PFKFB2: variants seen among roughly 807,000 people sequenced by gnomAD.
The protein encoded by PFKFB2 is 6-phosphofructo-2-kinase/fructose-2,6-biphosphatase 2, also known as 6-phosphofructo-2-kinase/fructose-2,6-bisphosphatase 2.
Under a neutral mutation model 68.0 loss-of-function variants are expected in PFKFB2, and 53 were observed. The observed-to-expected ratio is 0.78, with a 90% CI of 0.63 to 0.98. The LOEUF is 0.98. Ranked by LOEUF, PFKFB2 falls within the 50% of genes least tolerant of loss-of-function variation. The pLI is 0.00. For missense variants in PFKFB2, 451 were observed against 642.0 expected, an observed-to-expected ratio of 0.70 and a Z score of 3.22; for synonymous variants, 222 against 227.6, an observed-to-expected ratio of 0.98 and a Z score of 0.22.
At chr1:207,049,427 T>C (rs1682679305), upstream of PFKFB2, 4 of 1,614,108 alleles carry the variant, frequency 2.5e-6, no homozygotes, top group Non-Finnish European at 3.4e-6. Flanking sequence ...TCATCCCTTT[T>C]GATCCAGTCA....
Position 207,063,980 on chromosome 1 carries a change from T to C in PFKFB2, c.507+151T>C, listed in dbSNP as rs1399513567. 5 of 696,610 alleles carry C rather than the reference T, an allele frequency of 7.2e-6. No individual in the cohort carries two copies. In the African/African-American group the frequency reaches 8.7e-5, roughly 12 times the overall value. 43.2% of individuals were successfully genotyped at this position (696,610 alleles called of 1,614,324 possible). ...AGACATGTTTAACATCACAAAGAGATCTTTTCTATCTGCCAGAGCCCCATC... is the reference window on the plus strand; with the variant it reads ...AGACATGTTTAACATCACAAAGAGACCTTTTCTATCTGCCAGAGCCCCATC... On this transcript the variant is annotated intron_variant, in intron 7 of 14. Transcript: ENST00000367080. This position sits in a 1 kb window ranked among gnomAD's most constrained non-coding sequence, Gnocchi z 4.1.
At position 207,072,554 on chromosome 1, in the gene PFKFB2, G is replaced by C. The variant is rs1346235661; in HGVS notation, c.*183G>C. On this transcript the variant is annotated 3_prime_UTR_variant, in exon 15 of 15. Transcript: ENST00000367080. ...ATGTGTTTATAGGACAACTTAAGCT[G>C]TTCTTCAGTTTGAAACATCTTTTCA... 1.4e-5 allele frequency: 19 copies of C among 1,347,038 alleles called. 1 individual carries two copies. The South Asian group carries it at 3.8e-4, about 27-fold the overall frequency. 83.4% of individuals were successfully genotyped at this position (1,347,038 alleles called of 1,614,324 possible).
chr1:207,071,668 A>G (rs765716539), intron 14 of PFKFB2, 95 bp downstream of exon 14: 1 of 848,996 alleles, frequency 1.2e-6, no homozygotes, highest in Non-Finnish European at 2.0e-6. Context: ...TTTATGTACA[A>G]AAGGGAAACA....
At chr1:207,055,026 T>C in intron 2 of PFKFB2, 1 of 473,782 alleles carries the variant, frequency 2.1e-6, no homozygotes, top group South Asian at 2.3e-5. Flanking sequence ...AGTTTCTTAC[T>C]GCTTTCTTAA....
intron 14 of PFKFB2, among the ~76,000 whole-genome samples, 181 bp from the exon 15 acceptor site, chr1:207,072,023 T>C (rs1683479404): frequency 6.6e-6 from 1 of 152,208 alleles, no homozygotes; most frequent in Non-Finnish European, 1.5e-5. Context: ...CTCAAGGAGC[T>C]TCTCCCTTTT....
Position 207,073,703 on chromosome 1 carries a change from A to C in PFKFB2, c.*1332A>C, listed in dbSNP as rs1018740535. ...CGTAACTGTTTGTATTTCTCTATTC[A>C]CTTCTGTCATTTCATTTTCTTTGTA... On this transcript the variant is annotated 3_prime_UTR_variant, in exon 15 of 15. Coordinates refer to ENST00000367080, the MANE Select transcript of PFKFB2 (RefSeq NM_006212.2). 3 of 985,072 alleles carry C rather than the reference A, an allele frequency of 3.0e-6. No individual in the cohort carries two copies. In the African/African-American group the frequency reaches 5.2e-5, roughly 17 times the overall value. The allele number at this position is 985,072 out of a possible 1,614,324, so 61.0% of individuals were successfully genotyped here. A position where few individuals can be genotyped will look rare whatever the true frequency, so the allele number is the denominator to read the frequency against.
At chr1:207,034,835 G>A (rs1682347389) in intron 1 of PFKFB2, 1 of 152,192 alleles carries the variant, frequency 6.6e-6, no homozygotes, top group Non-Finnish European at 1.5e-5. Flanking sequence ...ACACATATAT[G>A]TCCTAGCTGA....
At chr1:207,062,466 C>T in intron 3 of PFKFB2, 154 bp from the exon 4 acceptor site, 2 of 1,215,300 alleles carry the variant, frequency 1.6e-6, no homozygotes, top group Non-Finnish European at 2.3e-6. Flanking sequence ...TTGAACCCAA[C>T]TCTTTTGACT....
chr1:207,037,920 A>G (rs1481413700), intron 1 of PFKFB2, among the ~76,000 whole-genome samples: 1 of 152,240 alleles, frequency 6.6e-6, no homozygotes, highest in Non-Finnish European at 1.5e-5. Context: ...ATGAGATAAT[A>G]CATGAAGAGT....
At chr1:207,051,279 G>A (rs1434281941), upstream of PFKFB2, among the ~76,000 whole-genome samples, 1 of 152,186 alleles carries the variant, frequency 6.6e-6, no homozygotes, top group Admixed American at 6.5e-5. Context: ...CTGAATGAAG[G>A]TCTGGAGATT....
intron 14 of PFKFB2, 26 bp from the exon 15 acceptor site, chr1:207,072,178 T>A: frequency 6.2e-7 from 1 of 1,609,766 alleles, no homozygotes; most frequent in Non-Finnish European, 8.5e-7. Flanking sequence ...CTTTCATTTG[T>A]GTGGTGTCAC....
intron 1 of PFKFB2, among the ~76,000 whole-genome samples, chr1:207,039,150 A>C (rs889887990): frequency 2.0e-5 from 3 of 152,222 alleles, no homozygotes; most frequent in Non-Finnish European, 4.4e-5. Context: ...CTTTGGCAGT[A>C]TGTCAACATA....
intron 2 of PFKFB2, 74 bp from the exon 3 acceptor site, chr1:207,061,879 T>C: frequency 2.2e-6 from 3 of 1,341,688 alleles, no homozygotes; most frequent in South Asian, 2.4e-5. Context: ...AGACTCCGTC[T>C]CAAAAAAACA....
chr1:207,059,178 G>C (rs949336451), intron 2 of PFKFB2, among the ~76,000 whole-genome samples: 3 of 152,194 alleles, frequency 2.0e-5, no homozygotes, highest in African/African-American at 4.8e-5. Context: ...TTTTGTTGTT[G>C]TTGTTCTTAG....
At chr1:207,057,946 C>A (rs1682979715) in intron 2 of PFKFB2, among the ~76,000 whole-genome samples, 1 of 152,112 alleles carries the variant, frequency 6.6e-6, no homozygotes, top group African/African-American at 2.4e-5. Context: ...ACACGTACAC[C>A]TTTGCACATT....
At position 207,076,250 on chromosome 1, in the gene PFKFB2, TTC is replaced by T; in HGVS notation, c.*3881_*3882del. The T allele has an allele frequency of 7.2e-6, 7 of 972,908 alleles. No individual in the cohort carries two copies. Among genetic ancestry groups the T allele is most frequent in the Non-Finnish European group, 8.5e-6 (7 of 818,974 alleles). 60.3% of individuals were successfully genotyped at this position (972,908 alleles called of 1,614,324 possible). On this transcript the variant is annotated 3_prime_UTR_variant, in exon 15 of 15. Coordinates refer to ENST00000367080, the MANE Select transcript of PFKFB2 (RefSeq NM_006212.2). The stretch of plus-strand genomic sequence containing the variant: ...TAAATTCATCTATGTTACTTTTTTT[TTC>T]TTTTTTTTTTTTTTTTATGAGCAGG...
intron 3 of PFKFB2, 150 bp downstream of exon 3, chr1:207,062,228 T>C: frequency 8.9e-7 from 1 of 1,123,208 alleles, no homozygotes; most frequent in Non-Finnish European, 1.3e-6. Context: ...TATTCTCTAT[T>C]CCCAGACTTG....
upstream of PFKFB2, chr1:207,050,542 T>C: frequency 9.6e-7 from 1 of 1,044,042 alleles, no homozygotes. Flanking sequence ...CCGTCAGCAT[T>C]CTCTGTTCTT....
In PFKFB2 at chr1:207,073,983, G is replaced by A; in HGVS notation, c.*1612G>A. The stretch of plus-strand genomic sequence containing the variant: ...AGGGTGTTTTCATTTGGTAATGGAA[G>A]ACTTTTTGCTGTGGTTCTCATCCAG... On this transcript the variant is annotated 3_prime_UTR_variant, in exon 15 of 15. Coordinates refer to ENST00000367080, the MANE Select transcript of PFKFB2 (RefSeq NM_006212.2). 1.0e-6 allele frequency: 1 copy of A among 984,908 alleles called. No individual in the cohort carries two copies. The highest frequency in any genetic ancestry group is 1.2e-6 in the Non-Finnish European group (1 of 829,468). The allele number at this position is 984,908 out of a possible 1,614,324, so 61.0% of individuals were successfully genotyped here.
Sources: allele counts gnomAD v4.1 joint callset (sites outside exome capture counted in the v4.1 genomes callset), GRCh38; gene constraint gnomAD v4.1.1; non-coding constraint Gnocchi (gnomAD v3.1); transcripts MANE v1.5; gene names NCBI Gene and HGNC (gene_info 2026-07-23, HGNC 2026-07-21).